The following MMEL1 variants were observed in gnomAD, a reference collection of about 807,000 sequenced individuals.
MMEL1 encodes the protein membrane metallo-endopeptidase-like 1.
A neutral mutation model predicts 117.1 loss-of-function variants in MMEL1; 98 were observed. The ratio of observed to expected loss-of-function variants is 0.84; its 90% CI spans 0.71 to 0.99. The LOEUF is 0.99. Among genes scored for constraint, MMEL1 ranks in the 50% least tolerant of loss-of-function variants. The pLI is 0.00. For synonymous variants in MMEL1, 390 were observed against 415.1 expected, an observed-to-expected ratio of 0.94 and a Z score of 0.74; for missense variants, 1,014 against 1,049.1, an observed-to-expected ratio of 0.97 and a Z score of 0.46.
chr1:2,591,674 G>T lies in MMEL1; in HGVS notation c.2164-41C>A, dbSNP rs146210033. ...GGGCGTGGCTACAGGTGGCGTGGTG[G>T]GGTGGCCAGGAGGGGTGGGGGAGGG... On this transcript the variant is annotated intron_variant, in intron 22 of 23. Transcript: ENST00000378412. The T allele has an allele frequency of 7.1e-3, 10,792 of 1,523,700 alleles. 70 individuals are homozygous for T. The highest frequency in any genetic ancestry group is 8.9e-3 in the Non-Finnish European group (9,773 of 1,098,758). The allele number at this position is 1,523,700 out of a possible 1,614,324, so 94.4% of individuals were successfully genotyped here.
intron 14 of MMEL1, 116 bp from the exon 15 acceptor site, chr1:2,596,223 C>A: frequency 1.0e-6 from 1 of 967,204 alleles, no homozygotes. Context: ...CAGGGCTGCC[C>A]AGCTGTGGGC....
At chr1:2,596,952 C>T (rs577366255) in intron 13 of MMEL1, among the ~76,000 whole-genome samples, 21 of 152,168 alleles carry the variant, frequency 1.4e-4, no homozygotes, top group African/African-American at 3.4e-4. Context: ...GGTTCCTCCC[C>T]GGCCCCTGTC....
chr1:2,627,446 T>C lies in MMEL1; in HGVS notation c.154+1885A>G, dbSNP rs192834077. The stretch of plus-strand genomic sequence containing the variant: ...CAATATGTAGAAGACTTGATTGATC[T>C]AGTGGATGTAGATAGACACCATCAC... On this transcript the variant is annotated intron_variant, in intron 2 of 23. Transcript: ENST00000378412. Among the ~76,000 whole-genome samples, 5 of 152,350 alleles carry C rather than the reference T, an allele frequency of 3.3e-5. No individual in the cohort carries two copies. The East Asian group carries it at 9.6e-4, about 29-fold the overall frequency.
intron 2 of MMEL1, among the ~76,000 whole-genome samples, chr1:2,613,737 G>C (rs1645163533): frequency 6.6e-6 from 1 of 152,216 alleles, no homozygotes; most frequent in South Asian, 2.1e-4. Flanking sequence ...TGTAGTTCCA[G>C]CTACTTGGGA....
At position 2,609,691 on chromosome 1, in the gene MMEL1, C is replaced by T. The variant is rs367879168; in HGVS notation, c.433G>A (p.Glu145Lys). Reference sequence around the variant, plus strand: ...CCACCTTTGAGGATGACCTCCAGCTCGTCGCGGAGGACGTCAAAGATGCTG... The same window carrying T: ...CCACCTTTGAGGATGACCTCCAGCTTGTCGCGGAGGACGTCAAAGATGCTG... ...RYSIFDVLRD[E>K]LEVILKAVLE... Residue 145 changes from glutamate to lysine, a missense_variant, in exon 5 of 24, where the codon GAG (glutamate) becomes AAG (lysine). By Grantham distance (56) the Glu-to-Lys change is moderately conservative (BLOSUM62 1). Transcript: ENST00000378412. 5.0e-6 allele frequency: 8 copies of T among 1,611,636 alleles called. No homozygotes were observed. The highest frequency in any genetic ancestry group is 2.2e-5 in the East Asian group (1 of 44,888).
chr1:2,598,238 C>A lies in MMEL1; in HGVS notation c.1241G>T (p.Arg414Ile), dbSNP rs148054580. 2.0e-5 allele frequency: 33 copies of A among 1,613,978 alleles called. No homozygotes were observed. The African/African-American group carries it at 2.8e-4, about 14-fold the overall frequency. The change falls in exon 13 of 24, where the codon AGA becomes ATA. Residue 414 changes from arginine to isoleucine, a missense_variant. Arg to Ile is a moderately conservative substitution (Grantham distance 97). Coordinates refer to ENST00000378412, the MANE Select transcript of MMEL1 (RefSeq NM_033467.4). ...GTAGTTCACTCGTGTGTCCTTGAAT[C>A]TCTGGCTTAGGCTACCAATGCGGTC... ...VLDRIGSLSQ[R>I]FKDTRVNYRK...
At chr1:2,601,906 G>C (rs1000797376) in intron 11 of MMEL1, among the ~76,000 whole-genome samples, 2 of 152,260 alleles carry the variant, frequency 1.3e-5, no homozygotes, top group Non-Finnish European at 2.9e-5. Flanking sequence ...CACGGGCGAG[G>C]GTGTGGCACC....
chr1:2,626,681 C>T (rs1213417383), intron 2 of MMEL1, among the ~76,000 whole-genome samples: 1 of 152,204 alleles, frequency 6.6e-6, no homozygotes, highest in Non-Finnish European at 1.5e-5. Context: ...CTGTATTTCT[C>T]ACTGTCATTT....
intron 13 of MMEL1, among the ~76,000 whole-genome samples, chr1:2,597,531 A>C (rs1323011827): frequency 6.6e-6 from 1 of 152,036 alleles, no homozygotes; most frequent in Non-Finnish European, 1.5e-5. Context: ...GTCTGCCAGC[A>C]CCATGGCCAA....
At chr1:2,608,277 G>A (rs1008549783) in intron 6 of MMEL1, among the ~76,000 whole-genome samples, 6 of 152,124 alleles carry the variant, frequency 3.9e-5, no homozygotes, top group Admixed American at 6.5e-5. Flanking sequence ...GGTGCTCAGC[G>A]GAGAAGCTGT....
At chr1:2,592,784 G>A in intron 20 of MMEL1, 49 bp downstream of exon 20, 1 of 1,611,762 alleles carries the variant, frequency 6.2e-7, no homozygotes, top group South Asian at 1.1e-5. Flanking sequence ...CAGGGCCAGG[G>A]CTGGGGCTCC....
intron 6 of MMEL1, among the ~76,000 whole-genome samples, chr1:2,608,755 C>A (rs1645073336): frequency 6.6e-6 from 1 of 152,122 alleles, no homozygotes. Flanking sequence ...ACGTAACACA[C>A]ATGTGCACAC....
In MMEL1 at chr1:2,591,099, G is replaced by A. The variant is rs758049769; in HGVS notation, c.2241-10C>T. ...CAGCGACCCCAGTACCCTGTGGGTGGGTGGGTGTGACAGCAGGAGCATTGC... is the reference window on the plus strand; with the variant it reads ...CAGCGACCCCAGTACCCTGTGGGTGAGTGGGTGTGACAGCAGGAGCATTGC... On this transcript the variant is annotated splice_polypyrimidine_tract_variant and intron_variant, in intron 23 of 23. Coordinates refer to ENST00000378412, the MANE Select transcript of MMEL1 (RefSeq NM_033467.4). 1.1e-5 allele frequency: 17 copies of A among 1,555,616 alleles called. No individual in the cohort carries two copies. Among genetic ancestry groups the A allele is most frequent in the Non-Finnish European group, 1.4e-5 (16 of 1,151,540 alleles).
intron 2 of MMEL1, among the ~76,000 whole-genome samples, chr1:2,628,929 C>T (rs1638401028): frequency 7.7e-6 from 1 of 129,718 alleles, no homozygotes; most frequent in Non-Finnish European, 1.6e-5. Flanking sequence ...GGGAGGGACA[C>T]GGACGCCGGT....
intron 2 of MMEL1, among the ~76,000 whole-genome samples, chr1:2,624,706 A>T (rs1483945915): frequency 6.6e-6 from 1 of 152,218 alleles, no homozygotes; most frequent in East Asian, 1.9e-4. Flanking sequence ...AGTGTGTTCC[A>T]GGCCCAGTGC....
intron 4 of MMEL1, 72 bp downstream of exon 4, chr1:2,611,209 G>A: frequency 6.9e-7 from 1 of 1,450,506 alleles, no homozygotes; most frequent in Non-Finnish European, 9.4e-7. Context: ...CCTTGGGCGG[G>A]GCCTACGTCA....
intron 11 of MMEL1, among the ~76,000 whole-genome samples, chr1:2,603,511 C>T (rs1423239582): frequency 6.6e-6 from 1 of 152,128 alleles, no homozygotes; most frequent in African/African-American, 2.4e-5. Flanking sequence ...TGGGAGGAAG[C>T]ACCCTGCTAA....
In MMEL1 at chr1:2,595,170, A is replaced by G. The variant is rs1644813387; in HGVS notation, c.1584+106T>C. The stretch of plus-strand genomic sequence containing the variant: ...AGGGCACGGTGAGGACAGCTGTGTT[A>G]GCGCCTGGGAGGAGGGCACAGAGCT... On this transcript the variant is annotated intron_variant, in intron 16 of 23. Coordinates refer to ENST00000378412, the MANE Select transcript of MMEL1 (RefSeq NM_033467.4). The surrounding 1 kb of genome is among the most constrained non-coding windows in gnomAD (Gnocchi z 4.8). The G allele has an allele frequency of 9.9e-7, 1 of 1,013,904 alleles. No individual in the cohort carries two copies. The highest frequency in any genetic ancestry group is 1.5e-6 in the Non-Finnish European group (1 of 671,338). 62.8% of individuals were successfully genotyped at this position (1,013,904 alleles called of 1,614,324 possible).
At chr1:2,606,460 A>AG (rs1570678012) in intron 7 of MMEL1, 94 bp from the exon 8 acceptor site, 11 of 861,658 alleles carry the variant, frequency 1.3e-5, no homozygotes, top group Non-Finnish European at 2.0e-5. Context: ...GCCAGGAACT[A>AG]GGGGGCCATA....
Sources: allele counts gnomAD v4.1 joint callset (sites outside exome capture counted in the v4.1 genomes callset), GRCh38; gene constraint gnomAD v4.1.1; non-coding constraint Gnocchi (gnomAD v3.1); transcripts MANE v1.5; gene names NCBI Gene and HGNC (gene_info 2026-07-23, HGNC 2026-07-21).